ELAVL2: variants seen among roughly 807,000 people sequenced by gnomAD.
The protein encoded by ELAVL2 is ELAV-like protein 2.
A neutral mutation model predicts 34.6 loss-of-function variants in ELAVL2; 4 were observed. The ratio of observed to expected loss-of-function variants is 0.12; its 90% CI spans 0.06 to 0.26. The LOEUF is 0.26. Among genes scored for constraint, ELAVL2 ranks in the 10% least tolerant of loss-of-function variants. The probability of loss-of-function intolerance (pLI) is 1.00; values close to 1 mark genes in which losing one functional copy is unlikely to be tolerated. For missense variants in ELAVL2, 432 were observed against 442.8 expected (o/e 0.98, Z 0.22); for synonymous variants, 193 against 154.8 (o/e 1.25, Z -1.83).
chr9:23,789,378 T>G (rs2060076386), intron 1 of ELAVL2, among the ~76,000 whole-genome samples: 1 of 152,208 alleles, frequency 6.6e-6, no homozygotes, highest in African/African-American at 2.4e-5. Flanking sequence ...ATTAAGTGAT[T>G]TATTAAATTT....
At chr9:23,700,741 G>A (rs1413784423) in intron 5 of ELAVL2, among the ~76,000 whole-genome samples, 1 of 152,130 alleles carries the variant, frequency 6.6e-6, no homozygotes, top group Non-Finnish European at 1.5e-5. Flanking sequence ...AAACAATTTT[G>A]AAAAGGAAGA....
intron 3 of ELAVL2, among the ~76,000 whole-genome samples, chr9:23,729,404 G>A (rs950685875): frequency 2.6e-4 from 40 of 152,060 alleles, no homozygotes; most frequent in African/African-American, 7.2e-4. Flanking sequence ...ACGGTCTGAC[G>A]GTAACTGAAC....
At position 23,690,759 on chromosome 9, in the gene ELAVL2, G is replaced by T. The variant is rs1039145989; in HGVS notation, c.*1798C>A. On this transcript the variant is annotated 3_prime_UTR_variant, in exon 7 of 7. Coordinates refer to ENST00000397312, the MANE Select transcript of ELAVL2 (RefSeq NM_004432.5). ...TCTCAGTTTATACAAAAAGCAGGAC[G>T]TAACTATATAGTTCTCAGTGCATCC... The T allele has an allele frequency of 3.3e-5, 5 of 152,572 alleles. No homozygotes were observed. Among genetic ancestry groups the T allele is most frequent in the Non-Finnish European group, 7.4e-5 (5 of 68,008 alleles). 9.5% of individuals were successfully genotyped at this position (152,572 alleles called of 1,614,324 possible).
chr9:23,754,416 C>T (rs1269828863), intron 2 of ELAVL2, among the ~76,000 whole-genome samples: 2 of 151,930 alleles, frequency 1.3e-5, no homozygotes, highest in Non-Finnish European at 2.9e-5. Context: ...CCAGATTTGC[C>T]ACCCCAAAAT....
intron 2 of ELAVL2, among the ~76,000 whole-genome samples, chr9:23,752,769 AAC>A (rs2052463960): frequency 6.6e-6 from 1 of 152,114 alleles, no homozygotes; most frequent in South Asian, 2.1e-4. Context: ...AACTCTTATA[AAC>A]ACAGCTTAAA....
rs1009647011 is a variant in ELAVL2, at chr9:23,724,923, A to C, written c.333+6099T>G. Among the ~76,000 whole-genome samples, 17 of 152,252 alleles carry C rather than the reference A, an allele frequency of 1.1e-4. 1 individual carries two copies. Among genetic ancestry groups the C allele is most frequent in the African/African-American group, 3.6e-4 (15 of 41,558 alleles). The stretch of plus-strand genomic sequence containing the variant: ...ACAGTTATTAGGCTAACATCTCATA[A>C]GTAGGTCAGTTAATTTGAGGCCTGT... On this transcript the variant is annotated intron_variant, in intron 3 of 6. Coordinates refer to ENST00000397312, the MANE Select transcript of ELAVL2 (RefSeq NM_004432.5).
At position 23,817,117 on chromosome 9, in the gene ELAVL2, TA is replaced by T. The variant is rs2063826384; in HGVS notation, c.-16+8688del. 2.0e-5 allele frequency among the ~76,000 whole-genome samples: 3 copies of T among 152,172 alleles called. No individual in the cohort carries two copies. In the South Asian group the frequency reaches 6.2e-4, roughly 32 times the overall value. On this transcript the variant is annotated intron_variant, in intron 1 of 6. Transcript: ENST00000397312. ...ATAATTTTAAATTTGTCAAGTTTTT[TA>T]AAATACATTTTTAAAAGTGGGAAAG...
At chr9:23,702,966 A>AAAAACAAC (rs2037885376) in intron 4 of ELAVL2, among the ~76,000 whole-genome samples, 2 of 143,014 alleles carry the variant, frequency 1.4e-5, no homozygotes, top group Non-Finnish European at 3.0e-5. Flanking sequence ...AAAAAAAAAA[A>AAAAACAAC]AAAAAAAAAA....
At chr9:23,698,306 T>G (rs939075867) in intron 5 of ELAVL2, among the ~76,000 whole-genome samples, 1 of 152,176 alleles carries the variant, frequency 6.6e-6, no homozygotes, top group Admixed American at 6.6e-5. Context: ...TTTTGAAAAC[T>G]GCAGTCAATT....
At chr9:23,698,589 T>C (rs1011766460) in intron 5 of ELAVL2, among the ~76,000 whole-genome samples, 1 of 152,180 alleles carries the variant, frequency 6.6e-6, no homozygotes, top group African/African-American at 2.4e-5. Flanking sequence ...TCTACATGTC[T>C]GCTGAAAGGT....
intron 3 of ELAVL2, among the ~76,000 whole-genome samples, chr9:23,714,684 A>T (rs989143774): frequency 1.3e-5 from 2 of 152,196 alleles, no homozygotes; most frequent in African/African-American, 2.4e-5. Context: ...GTAGAAATAT[A>T]AATGAACTTC....
intron 2 of ELAVL2, 35 bp downstream of exon 2, chr9:23,761,971 C>T (rs751734508): frequency 1.3e-5 from 20 of 1,563,474 alleles, no homozygotes; most frequent in South Asian, 1.1e-4. Context: ...AGACACGATC[C>T]GTTAAATATA....
chr9:23,737,922 A>C (rs2048279038), intron 2 of ELAVL2, among the ~76,000 whole-genome samples: 1 of 151,572 alleles, frequency 6.6e-6, no homozygotes, highest in Admixed American at 6.6e-5. Context: ...CCTTAACGAC[A>C]AAAAAAAGCA....
At chr9:23,718,162 G>A (rs957573275) in intron 3 of ELAVL2, among the ~76,000 whole-genome samples, 55 of 152,166 alleles carry the variant, frequency 3.6e-4, no homozygotes, top group African/African-American at 1.2e-3. Context: ...AATCTTTAAC[G>A]TATTTTAAAA....
At chr9:23,783,597 C>T (rs2059341417) in intron 1 of ELAVL2, 1 of 668,690 alleles carries the variant, frequency 1.5e-6, no homozygotes, top group Middle Eastern at 7.5e-4. Flanking sequence ...AATATCAACA[C>T]ATTTGAAGGA....
chr9:23,808,228 T>C (rs1190125602), intron 1 of ELAVL2, among the ~76,000 whole-genome samples: 1 of 151,914 alleles, frequency 6.6e-6, no homozygotes, highest in African/African-American at 2.4e-5. Flanking sequence ...CACTGTGTTA[T>C]AAGCCTTAAA....
chr9:23,723,052 G>A (rs1468882197), intron 3 of ELAVL2, among the ~76,000 whole-genome samples: 1 of 152,166 alleles, frequency 6.6e-6, no homozygotes, highest in Non-Finnish European at 1.5e-5. Context: ...AGGGCTAGCA[G>A]TGTGATGTTC....
At chr9:23,814,248 G>GAAGTAAGTA (rs2063407405) in intron 1 of ELAVL2, among the ~76,000 whole-genome samples, 1 of 152,112 alleles carries the variant, frequency 6.6e-6, no homozygotes, top group Admixed American at 6.6e-5. Flanking sequence ...CTTGGTCACA[G>GAAGTAAGTA]AAGATATTCT....
chr9:23,729,375 G>C, intron 3 of ELAVL2, among the ~76,000 whole-genome samples: 1 of 152,114 alleles, frequency 6.6e-6, no homozygotes, highest in East Asian at 1.9e-4. Flanking sequence ...GCAAAAATCT[G>C]CTGTAGGATA....
Sources: gnomAD v4.1 joint callset for allele counts (sites outside exome capture counted in the v4.1 genomes callset) on GRCh38, gnomAD v4.1.1 for gene constraint, MANE v1.5 for transcripts, NCBI Gene and HGNC (gene_info 2026-07-23, HGNC 2026-07-21) for gene names.